The following CLCN7 variants were observed in gnomAD, a reference collection of about 807,000 sequenced individuals.
The protein encoded by CLCN7 is Cl-/H+ antiporter 7, also known as H(+)/Cl(-) exchange transporter 7.
In CLCN7, 60 loss-of-function variants were observed where a neutral mutation model predicts 102.1. That is an observed-to-expected ratio of 0.59 (90% CI 0.48 to 0.73). CLCN7 has a LOEUF of 0.73. Among genes scored for constraint, CLCN7 ranks in the 30% least tolerant of loss-of-function variants. The probability of loss-of-function intolerance (pLI) is 0.00; values close to 1 mark genes in which losing one functional copy is unlikely to be tolerated. For synonymous variants in CLCN7, 560 were observed against 490.5 expected (o/e 1.14, Z -1.87); for missense variants, 962 against 1,125.7 (o/e 0.85, Z 2.08).
chr16:1,469,452 G>A (rs1258327113), intron 1 of CLCN7, among the ~76,000 whole-genome samples: 4 of 152,066 alleles, frequency 2.6e-5, no homozygotes, highest in Non-Finnish European at 4.4e-5. Flanking sequence ...TTGGGAGGCT[G>A]AGGCGGGCTG....
intron 15 of CLCN7, 53 bp from the exon 16 acceptor site, chr16:1,451,769 G>T: frequency 1.4e-6 from 2 of 1,476,568 alleles, no homozygotes; most frequent in Non-Finnish European, 1.9e-6. Flanking sequence ...CTGGTGGGCT[G>T]CAGGCACAAA....
intron 5 of CLCN7, 106 bp downstream of exon 5, chr16:1,460,710 C>G (rs772441841): frequency 5.8e-6 from 9 of 1,553,538 alleles, no homozygotes; most frequent in Non-Finnish European, 7.9e-6. Context: ...CCTGGCCGGG[C>G]CGCCTCCACC....
At chr16:1,454,174 C>T (rs1294391547) in intron 13 of CLCN7, among the ~76,000 whole-genome samples, 1 of 152,266 alleles carries the variant, frequency 6.6e-6, no homozygotes. Flanking sequence ...TCCCATCCAT[C>T]CCTGCAGCCC....
rs2038864689 is a variant in CLCN7, at chr16:1,457,950, C to T, written c.676-194G>A. On this transcript the variant is annotated intron_variant, in intron 7 of 24. Transcript: ENST00000382745. This position sits in a 1 kb window ranked among gnomAD's most constrained non-coding sequence, Gnocchi z 5.4. ...CTAAACAGCAGCCAAGCGTCCCCCG[C>T]ACTCACTCGGGGGACCTGCCCTCTG... Among the ~76,000 whole-genome samples, 1 of 152,224 alleles carries T rather than the reference C, an allele frequency of 6.6e-6. No individual in the cohort carries two copies. Among genetic ancestry groups the T allele is most frequent in the African/African-American group, 2.4e-5 (1 of 41,466 alleles).
At position 1,446,414 on chromosome 16, in the gene CLCN7, C is replaced by T. The variant is rs748883273; in HGVS notation, c.*217G>A. 5.7e-6 allele frequency: 4 copies of T among 702,550 alleles called. No individual in the cohort carries two copies. Among genetic ancestry groups the T allele is most frequent in the South Asian group, 1.5e-5 (1 of 67,604 alleles). The allele number at this position is 702,550 out of a possible 1,614,324, so 43.5% of individuals were successfully genotyped here. A position where few individuals can be genotyped will look rare whatever the true frequency, so the allele number is the denominator to read the frequency against. ...ACGAGGAGAGTGGAGGCTGGGCCTGCGCAAGGAGGCGCCAAGGGGGGAGAC... is the reference window on the plus strand; with the variant it reads ...ACGAGGAGAGTGGAGGCTGGGCCTGTGCAAGGAGGCGCCAAGGGGGGAGAC... On this transcript the variant is annotated 3_prime_UTR_variant, in exon 25 of 25. Coordinates refer to ENST00000382745, the MANE Select transcript of CLCN7 (RefSeq NM_001287.6).
chr16:1,474,553 G>A (rs1012975212), intron 1 of CLCN7, among the ~76,000 whole-genome samples: 1 of 152,232 alleles, frequency 6.6e-6, no homozygotes, highest in Non-Finnish European at 1.5e-5. Context: ...GGCTGCCCCG[G>A]CGCCCCTCAG....
At chr16:1,448,161 G>T in intron 21 of CLCN7, 194 bp downstream of exon 21, 1 of 775,182 alleles carries the variant, frequency 1.3e-6, no homozygotes, top group Non-Finnish European at 2.1e-6. Context: ...ACCCTGCCAG[G>T]CCGCAGCCCC....
Position 1,452,629 on chromosome 16 carries a change from G to A in CLCN7, c.1353+126C>T, listed in dbSNP as rs946352453. The A allele has an allele frequency of 5.9e-5, 60 of 1,014,664 alleles. No individual in the cohort carries two copies. The African/African-American group carries it at 8.0e-4, about 14-fold the overall frequency. 62.9% of individuals were successfully genotyped at this position (1,014,664 alleles called of 1,614,324 possible). On this transcript the variant is annotated intron_variant, in intron 15 of 24. Transcript: ENST00000382745. ...ACAGGACTAACCCTCTTTGAGACAC[G>A]CCAGCCCATGCGCTTCTGGAACTCG...
chr16:1,458,986 G>C, intron 7 of CLCN7, 121 bp downstream of exon 7: 1 of 766,910 alleles, frequency 1.3e-6, no homozygotes. Context: ...TCTGCACACA[G>C]TGCCACCAGT....
intron 11 of CLCN7, 154 bp downstream of exon 11, chr16:1,455,577 G>C (rs1290663985): frequency 1.9e-5 from 16 of 842,910 alleles, no homozygotes; most frequent in Middle Eastern, 2.3e-4. Context: ...GCAAAGGCAG[G>C]ACCGCTGCTT....
At chr16:1,448,315 G>C (rs1244207693) in intron 21 of CLCN7, 40 bp downstream of exon 21, 9 of 1,610,502 alleles carry the variant, frequency 5.6e-6, no homozygotes, top group Non-Finnish European at 7.6e-6. Context: ...ACTCGACAGA[G>C]GTCACATAGG....
chr16:1,464,094 G>A (rs1400656988), intron 2 of CLCN7, among the ~76,000 whole-genome samples: 1 of 151,900 alleles, frequency 6.6e-6, no homozygotes, highest in Non-Finnish European at 1.5e-5. Context: ...AAATAAATTT[G>A]AGCAACAAAA....
At position 1,452,794 on chromosome 16, in the gene CLCN7, G is replaced by A; in HGVS notation, c.1314C>T (p.Cys438=). 2 of 1,605,254 alleles carry A rather than the reference G, an allele frequency of 1.2e-6. No individual in the cohort carries two copies. The highest frequency in any genetic ancestry group is 1.7e-5 in the Admixed American group (1 of 59,390). The change falls in exon 15 of 25, where the codon TGC becomes TGT. Residue 438 remains cysteine (C), a synonymous_variant. Coordinates refer to ENST00000382745, the MANE Select transcript of CLCN7 (RefSeq NM_001287.6). ...AFVLIYSSRD[C]QPLQGGSMSY... ...ACATGGAGCCCCCCTGCAGGGGCTG[G>A]CAATCCCGCGACGAGTAGATCAGCA...
At chr16:1,459,030 G>C (rs2038883714) in intron 7 of CLCN7, 77 bp downstream of exon 7, 2 of 1,257,328 alleles carry the variant, frequency 1.6e-6, no homozygotes, top group African/African-American at 3.0e-5. Flanking sequence ...CTGGAAGGCA[G>C]GCAGCCAAGA....
rs763680468 is a variant in CLCN7, at chr16:1,448,803, C to T, written c.1798-37G>A. Reference sequence around the variant, plus strand: ...GCGGGAACACAGGGCTTGAGGAGTCCACACCCACCCCTGGAGCCCCGAGCC... The same window carrying T: ...GCGGGAACACAGGGCTTGAGGAGTCTACACCCACCCCTGGAGCCCCGAGCC... On this transcript the variant is annotated intron_variant, in intron 19 of 24. Transcript: ENST00000382745. The T allele has an allele frequency of 5.0e-6, 8 of 1,604,636 alleles. 1 individual carries two copies. The South Asian group carries it at 8.8e-5, about 18-fold the overall frequency.
At chr16:1,462,058 C>T (rs984916907) in intron 2 of CLCN7, among the ~76,000 whole-genome samples, 2 of 150,642 alleles carry the variant, frequency 1.3e-5, no homozygotes, top group Non-Finnish European at 3.0e-5. Flanking sequence ...GCACTCCAGC[C>T]TGGGTGACAG....
rs1224546035 is a variant in CLCN7, at chr16:1,461,438, C to T, written c.318G>A (p.Leu106=). The part of the protein sequence containing the change: ...SLDYDNSENQ[L]FLEEERRINH... ...TGATCCGCCGCTCCTCCTCCAGGAA[C>T]AGCTGGTTCTCACTGTTGTCATAGT... Residue 106 remains leucine (L), a synonymous_variant, in exon 4 of 25, where the codon CTG becomes CTA. Transcript: ENST00000382745. 2 of 1,558,452 alleles carry T rather than the reference C, an allele frequency of 1.3e-6. No individual in the cohort carries two copies. The highest frequency in any genetic ancestry group is 1.2e-5 in the South Asian group (1 of 84,792).
intron 2 of CLCN7, among the ~76,000 whole-genome samples, chr16:1,464,869 G>T (rs975782649): frequency 3.9e-5 from 6 of 152,184 alleles, no homozygotes; most frequent in Non-Finnish European, 8.8e-5. Context: ...CTGAGCTCAG[G>T]ACTCCCAGGG....
intron 17 of CLCN7, chr16:1,449,587 C>G (rs1414275313): frequency 3.5e-6 from 2 of 577,484 alleles, no homozygotes; most frequent in African/African-American, 3.8e-5. Flanking sequence ...AGTCACCACG[C>G]AGCAGCCCAG....
Sources: allele counts gnomAD v4.1 joint callset (sites outside exome capture counted in the v4.1 genomes callset), GRCh38; gene constraint gnomAD v4.1.1; non-coding constraint Gnocchi (gnomAD v3.1); transcripts MANE v1.5; gene names NCBI Gene and HGNC (gene_info 2026-07-23, HGNC 2026-07-21).